Variants in RANBP2 observed in about 807,000 individuals in gnomAD.
The protein encoded by RANBP2 is RAN binding protein 2, also known as E3 SUMO-protein ligase RanBP2.
RANBP2 carries 57 observed loss-of-function variants against 303.6 expected under a neutral mutation model. That is an observed-to-expected ratio of 0.19 (90% confidence interval 0.15 to 0.23). The LOEUF (loss-of-function observed/expected upper bound fraction) is 0.23. RANBP2 is among the 10% of genes least tolerant of loss of function. The probability of loss-of-function intolerance (pLI) is 1.00; values close to 1 mark genes in which losing one functional copy is unlikely to be tolerated. For synonymous variants in RANBP2, 1,167 were observed against 1,301.5 expected, an observed-to-expected ratio of 0.90 and a Z score of 2.23; for missense variants, 3,138 against 3,780.8, an observed-to-expected ratio of 0.83 and a Z score of 4.46.
the RANBP2 span, among the ~76,000 whole-genome samples, chr2:108,968,967 T>C: frequency 6.6e-6 from 1 of 152,204 alleles, no homozygotes; most frequent in African/African-American, 2.4e-5. Flanking sequence ...TGTGGGACCT[T>C]AAGCAGTTTT....
chr2:109,267,230 G>T, the RANBP2 span, among the ~76,000 whole-genome samples: 1 of 152,072 alleles, frequency 6.6e-6, no homozygotes, highest in Non-Finnish European at 1.5e-5. Context: ...CTCTGAATAG[G>T]AAGTGCATGT....
the RANBP2 span, among the ~76,000 whole-genome samples, chr2:108,997,931 CT>C: frequency 2.3e-3 from 343 of 152,284 alleles, 3 homozygotes; most frequent in African/African-American, 8.1e-3. Flanking sequence ...CAAGACACTG[CT>C]CTGAACATCC....
At chr2:109,419,566 C>T in the RANBP2 span, 1 of 1,598,834 alleles carries the variant, frequency 6.3e-7, no homozygotes, top group Non-Finnish European at 8.5e-7. Context: ...GGGATCTACC[C>T]CCACGGCTGT....
the RANBP2 span, among the ~76,000 whole-genome samples, chr2:109,521,757 G>T: frequency 6.6e-6 from 1 of 152,190 alleles, no homozygotes; most frequent in African/African-American, 2.4e-5. Context: ...GGAGTCCCCT[G>T]AGCAAAGCCT....
the RANBP2 span, among the ~76,000 whole-genome samples, chr2:109,702,804 CT>C: frequency 2.8e-4 from 40 of 144,744 alleles, no homozygotes; most frequent in African/African-American, 5.1e-4. Flanking sequence ...CTGAATCAGT[CT>C]TTTTTTTTTT....
chr2:109,069,312 C>A, the RANBP2 span, among the ~76,000 whole-genome samples: 7 of 152,194 alleles, frequency 4.6e-5, no homozygotes, highest in African/African-American at 2.4e-5. Flanking sequence ...GATTTGGACA[C>A]ATGGAATTTT....
the RANBP2 span, among the ~76,000 whole-genome samples, chr2:109,519,950 G>A: frequency 6.6e-6 from 1 of 152,212 alleles, no homozygotes. Flanking sequence ...GTGAGGATGG[G>A]TGGTTCTTTG....
the RANBP2 span, among the ~76,000 whole-genome samples, chr2:109,269,625 A>G: frequency 2.0e-5 from 3 of 151,982 alleles, no homozygotes; most frequent in South Asian, 4.2e-4. Context: ...TACTAAAAAT[A>G]AAAAAAATAG....
the RANBP2 span, among the ~76,000 whole-genome samples, chr2:109,468,204 G>A: frequency 6.6e-6 from 1 of 152,196 alleles, no homozygotes; most frequent in Non-Finnish European, 1.5e-5. Flanking sequence ...GACACACCTA[G>A]GCTGTGTGGT....
the RANBP2 span, among the ~76,000 whole-genome samples, chr2:109,433,211 G>A: frequency 6.6e-6 from 1 of 152,256 alleles, no homozygotes; most frequent in Non-Finnish European, 1.5e-5. Context: ...TGTGCAGTGT[G>A]TGTCATCATA....
the RANBP2 span, among the ~76,000 whole-genome samples, chr2:109,171,183 A>G: frequency 7.6e-4 from 115 of 152,206 alleles, no homozygotes; most frequent in Admixed American, 2.7e-3. Context: ...TTTTTGGTTT[A>G]TTTATGTATA....
At chr2:109,580,193 A>G in the RANBP2 span, among the ~76,000 whole-genome samples, 1 of 151,816 alleles carries the variant, frequency 6.6e-6, no homozygotes, top group Non-Finnish European at 1.5e-5. Flanking sequence ...AAAAAAAACT[A>G]AAAGAAAAAT....
chr2:108,863,582 C>T, the RANBP2 span, among the ~76,000 whole-genome samples: 1,605 of 152,250 alleles, frequency 0.011, 27 homozygotes, highest in African/African-American at 0.037. Flanking sequence ...ACTCCTAGAT[C>T]TTTTTCTTTC....
At chr2:109,388,882 C>T in the RANBP2 span, among the ~76,000 whole-genome samples, 2 of 152,120 alleles carry the variant, frequency 1.3e-5, no homozygotes, top group Admixed American at 1.3e-4. Flanking sequence ...AAATGCTTGC[C>T]ACCTGGAGGC....
intron 1 of RANBP2, 52 bp from the exon 2 acceptor site, chr2:108,729,077 AAAT>A (rs1308442715): frequency 6.5e-7 from 1 of 1,532,828 alleles, no homozygotes; most frequent in African/African-American, 1.4e-5. Context: ...ACTTTTGAAA[AAAT>A]GTTGGAAAAT....
At chr2:109,129,801 C>T in the RANBP2 span, 2 of 1,538,746 alleles carry the variant, frequency 1.3e-6, no homozygotes. Flanking sequence ...GCATCGTGTG[C>T]TCGCGCCACG....
rs1676068076 is a variant in RANBP2 at position 108,753,503 on chromosome 2, A to G, written c.1995A>G (p.Glu665=). 10 of 1,611,840 alleles carry G rather than the reference A, an allele frequency of 6.2e-6. No individual in the cohort carries two copies. The highest frequency in any genetic ancestry group is 8.5e-6 in the Non-Finnish European group (10 of 1,179,844). Residue 665 remains glutamate (E), a synonymous_variant, in exon 14 of 29, where the codon GAA becomes GAG. Transcript: ENST00000283195. ...TGGATGCAGTAAATGGAAATATAGA[A>G]GATGCTGTGACTGCTTTTGAATCTA... ...AILDAVNGNI[E]DAVTAFESIK...
chr2:109,335,495 C>T, the RANBP2 span, among the ~76,000 whole-genome samples: 1 of 152,210 alleles, frequency 6.6e-6, no homozygotes, highest in African/African-American at 2.4e-5. Context: ...CGCTCATCCA[C>T]GTGTCCCTCA....
the RANBP2 span, among the ~76,000 whole-genome samples, chr2:109,586,466 A>C: frequency 6.6e-6 from 1 of 152,286 alleles, no homozygotes; most frequent in East Asian, 1.9e-4. Flanking sequence ...TCAGGAGGGA[A>C]GTTATAGTCT....
Sources: allele counts gnomAD v4.1 joint callset (sites outside exome capture counted in the v4.1 genomes callset), GRCh38; gene constraint gnomAD v4.1.1; transcripts MANE v1.5; gene names NCBI Gene and HGNC (gene_info 2026-07-23, HGNC 2026-07-21).